GRIP1: variants seen among roughly 807,000 people sequenced by gnomAD.
GRIP1 encodes the protein glutamate receptor interacting protein 1.
Under a neutral mutation model 129.9 loss-of-function variants are expected in GRIP1, and 45 were observed. The ratio of observed to expected loss-of-function variants is 0.35; its 90% CI spans 0.27 to 0.44. GRIP1 has a LOEUF of 0.44. Among genes scored for constraint, GRIP1 ranks in the 20% least tolerant of loss-of-function variants. The pLI, the probability that GRIP1 is intolerant of heterozygous loss-of-function variation, is 1.00. For missense variants in GRIP1, 1,196 were observed against 1,396.8 expected, an observed-to-expected ratio of 0.86 and a Z score of 2.29; for synonymous variants, 530 against 520.8, an observed-to-expected ratio of 1.02 and a Z score of -0.24.
intron 22 of GRIP1, 155 bp from the exon 23 acceptor site, chr12:66,372,082 T>C (rs997190293): frequency 6.7e-5 from 45 of 670,762 alleles, no homozygotes; most frequent in Admixed American, 4.2e-4. Context: ...AATTGAACTA[T>C]GAAAGTCTGG....
rs145786130 is a variant in GRIP1 at position 66,515,785 on chromosome 12, T to G, written c.579-21A>C. On this transcript the variant is annotated intron_variant, in intron 6 of 24. Transcript: ENST00000359742. ...CCTCTCTGAAGGGAGAATAAAGGAA[T>G]AGTCTTGATTAATTTAGCATAATGG... The G allele has an allele frequency of 9.9e-6, 16 of 1,609,266 alleles. No individual in the cohort carries two copies. In the African/African-American group the frequency reaches 1.9e-4, roughly 19 times the overall value.
In GRIP1 at chr12:66,518,138, T is replaced by G. The variant is rs188498694; in HGVS notation, c.503-162A>C. On this transcript the variant is annotated intron_variant, in intron 5 of 24. Transcript: ENST00000359742. ...AAAAGCCTTAAAGGTCTTGCTCATT[T>G]TATATAGAATATATTTTTGAAGTCA... 3.7e-3 allele frequency among the ~76,000 whole-genome samples: 562 copies of G among 152,346 alleles called. 16 individuals are homozygous for G. The highest frequency in any genetic ancestry group is 2.1e-3 in the Non-Finnish European group (140 of 68,028).
At chr12:66,483,860 ACTT>A (rs1425763850) in intron 7 of GRIP1, among the ~76,000 whole-genome samples, 2 of 123,188 alleles carry the variant, frequency 1.6e-5, no homozygotes, top group Admixed American at 1.7e-4. Context: ...CATTATCCTA[ACTT>A]CTTTTTTTTT....
chr12:66,398,633 A>G (rs1197117275), intron 16 of GRIP1, among the ~76,000 whole-genome samples: 1 of 151,918 alleles, frequency 6.6e-6, no homozygotes, highest in Non-Finnish European at 1.5e-5. Context: ...TGATGTTTCT[A>G]AACTTTTATT....
At chr12:67,038,521 G>GGTTT (rs902700981) in intron 1 of GRIP1, among the ~76,000 whole-genome samples, 3 of 152,048 alleles carry the variant, frequency 2.0e-5, no homozygotes, top group Admixed American at 2.0e-4. Flanking sequence ...GAAATGTTTG[G>GGTTT]GTTTGTTTGT....
chr12:66,556,130 A>G (rs986366917), intron 2 of GRIP1, among the ~76,000 whole-genome samples: 2 of 152,128 alleles, frequency 1.3e-5, no homozygotes, highest in African/African-American at 2.4e-5. Flanking sequence ...ACATTTAATA[A>G]TCAAACTCTC....
chr12:66,442,445 C>G (rs1285718525), intron 13 of GRIP1, among the ~76,000 whole-genome samples: 3 of 152,350 alleles, frequency 2.0e-5, no homozygotes, highest in African/African-American at 7.2e-5. Context: ...GCCTACAAAA[C>G]TAGCTCCCCT....
chr12:66,888,420 C>T (rs542843804), intron 1 of GRIP1, among the ~76,000 whole-genome samples: 7 of 152,224 alleles, frequency 4.6e-5, no homozygotes, highest in South Asian at 4.1e-4. Context: ...AGTACAGTGG[C>T]GCGATCTCAG....
chr12:66,416,976 A>G (rs549492690), intron 15 of GRIP1, among the ~76,000 whole-genome samples: 2 of 151,940 alleles, frequency 1.3e-5, no homozygotes, highest in Admixed American at 1.3e-4. Flanking sequence ...AGAAAAGAAA[A>G]AGAAAAAGAA....
At chr12:66,943,128 C>CT (rs1212026215) in intron 1 of GRIP1, among the ~76,000 whole-genome samples, 1 of 152,194 alleles carries the variant, frequency 6.6e-6, no homozygotes, top group African/African-American at 2.4e-5. Context: ...GTCTTCTAAT[C>CT]TTATCTAGAA....
intron 1 of GRIP1, among the ~76,000 whole-genome samples, chr12:67,028,122 G>A (rs1240391802): frequency 1.3e-5 from 2 of 152,118 alleles, no homozygotes; most frequent in Non-Finnish European, 2.9e-5. Flanking sequence ...GGCATTTTTG[G>A]ATGTCCTTCA....
At chr12:66,564,749 T>G (rs1262966082) in intron 2 of GRIP1, among the ~76,000 whole-genome samples, 1 of 152,196 alleles carries the variant, frequency 6.6e-6, no homozygotes, top group Non-Finnish European at 1.5e-5. Context: ...ACCAACAGTG[T>G]AAAAGTGTTC....
intron 2 of GRIP1, among the ~76,000 whole-genome samples, chr12:66,543,224 C>T (rs1194989717): frequency 6.6e-6 from 1 of 152,102 alleles, no homozygotes; most frequent in Non-Finnish European, 1.5e-5. Flanking sequence ...TCCTTCAAGG[C>T]AGGGCTTTTG....
chr12:66,464,428 G>A (rs1359749817), intron 8 of GRIP1, among the ~76,000 whole-genome samples: 1 of 152,136 alleles, frequency 6.6e-6, no homozygotes, highest in African/African-American at 2.4e-5. Context: ...AAAATCCTAA[G>A]ATTAACATGC....
intron 1 of GRIP1, among the ~76,000 whole-genome samples, chr12:66,973,562 A>G (rs1349359875): frequency 1.3e-5 from 2 of 152,112 alleles, no homozygotes; most frequent in African/African-American, 4.8e-5. Context: ...ATATCAAAAA[A>G]TCTGACCTCT....
intron 1 of GRIP1, among the ~76,000 whole-genome samples, chr12:66,972,740 T>C (rs1383849886): frequency 6.6e-6 from 1 of 152,192 alleles, no homozygotes; most frequent in Admixed American, 6.6e-5. Flanking sequence ...TCATATGGTA[T>C]ATTTTGCAGC....
chr12:66,724,406 T>C (rs2036187896), intron 1 of GRIP1, among the ~76,000 whole-genome samples: 1 of 152,222 alleles, frequency 6.6e-6, no homozygotes. Flanking sequence ...CTGCATGTTT[T>C]GGCTAACTGA....
chr12:66,372,108 T>A, intron 22 of GRIP1, 181 bp from the exon 23 acceptor site: 1 of 642,734 alleles, frequency 1.6e-6, no homozygotes, highest in Non-Finnish European at 2.8e-6. Flanking sequence ...GCTTTGCAAG[T>A]GACATTTATA....
chr12:66,732,304 ACT>A, intron 1 of GRIP1, among the ~76,000 whole-genome samples: 1 of 152,124 alleles, frequency 6.6e-6, no homozygotes, highest in Non-Finnish European at 1.5e-5. Flanking sequence ...TAATCCCAGT[ACT>A]TTGAGGGGGC....
Sources: allele counts gnomAD v4.1 joint callset (sites outside exome capture counted in the v4.1 genomes callset), GRCh38; gene constraint gnomAD v4.1.1; transcripts MANE v1.5; gene names NCBI Gene and HGNC (gene_info 2026-07-23, HGNC 2026-07-21).